The following ZNF385B variants were observed in gnomAD, a reference collection of about 807,000 sequenced individuals.
ZNF385B encodes the protein zinc finger protein 533.
Under a neutral mutation model 39.2 loss-of-function variants are expected in ZNF385B, and 23 were observed. That is an observed-to-expected ratio of 0.59 (90% confidence interval 0.42 to 0.83). The LOEUF (loss-of-function observed/expected upper bound fraction) is 0.83. Among genes scored for constraint, ZNF385B ranks in the 40% least tolerant of loss-of-function variants. The probability of loss-of-function intolerance (pLI) is 0.00; values close to 1 mark genes in which losing one functional copy is unlikely to be tolerated. For missense variants in ZNF385B, 552 were observed against 598.9 expected, an observed-to-expected ratio of 0.92 and a Z score of 0.82; for synonymous variants, 205 against 222.6, an observed-to-expected ratio of 0.92 and a Z score of 0.70.
intron 4 of ZNF385B, among the ~76,000 whole-genome samples, chr2:179,527,392 A>T (rs1276888424): frequency 1.3e-5 from 2 of 152,180 alleles, no homozygotes; most frequent in Non-Finnish European, 2.9e-5. Flanking sequence ...CTCCTTTGAA[A>T]AGCTCTGGGA....
chr2:179,704,286 G>A lies in ZNF385B; in HGVS notation c.298+65217C>T, dbSNP rs558176190. On this transcript the variant is annotated intron_variant, in intron 3 of 9. Transcript: ENST00000410066. The stretch of plus-strand genomic sequence containing the variant: ...TTTTAAGAAAGTGCTCATATAATAC[G>A]GTTCCACTACATTTTTAAAAAATGT... Among the ~76,000 whole-genome samples, 49 of 152,066 alleles carry A rather than the reference G, an allele frequency of 3.2e-4. No individual in the cohort carries two copies. In the South Asian group the frequency reaches 6.9e-3, roughly 21 times the overall value.
intron 5 of ZNF385B, among the ~76,000 whole-genome samples, chr2:179,486,749 T>C (rs113505304): frequency 0.13 from 20,372 of 152,058 alleles, 1,498 homozygotes; most frequent in Non-Finnish European, 0.17. Flanking sequence ...ACCTTGTTTC[T>C]ACCAAAATTC....
In ZNF385B at chr2:179,518,498, T is replaced by G. The variant is rs369306947; in HGVS notation, c.552+30A>C. 9.5e-6 allele frequency: 14 copies of G among 1,469,200 alleles called. No homozygotes were observed. The African/African-American group carries it at 1.9e-4, about 19-fold the overall frequency. The allele number at this position is 1,469,200 out of a possible 1,614,324, so 91.0% of individuals were successfully genotyped here. On this transcript the variant is annotated intron_variant, in intron 5 of 9. Transcript: ENST00000410066. ...AATCAGACTTTTAGCTCTGACAAACTACAGAGAATAATGAAAAGGTGATAC... is the reference window on the plus strand; with the variant it reads ...AATCAGACTTTTAGCTCTGACAAACGACAGAGAATAATGAAAAGGTGATAC...
At chr2:179,584,319 C>T (rs947060175) in intron 3 of ZNF385B, among the ~76,000 whole-genome samples, 3 of 151,874 alleles carry the variant, frequency 2.0e-5, no homozygotes, top group African/African-American at 4.8e-5. Flanking sequence ...CAAAATAATC[C>T]TCCTACCACC....
intron 3 of ZNF385B, among the ~76,000 whole-genome samples, chr2:179,727,339 T>C (rs558535424): frequency 1.8e-3 from 273 of 152,218 alleles, no homozygotes; most frequent in African/African-American, 6.4e-3. Flanking sequence ...CCGATTTAAT[T>C]TCTTGTCCAC....
chr2:179,595,717 C>CT, intron 3 of ZNF385B, among the ~76,000 whole-genome samples: 1 of 151,132 alleles, frequency 6.6e-6, no homozygotes. Context: ...TCTTGACCTC[C>CT]TGGGCTCCAG....
chr2:179,850,765 G>A (rs74959723), intron 1 of ZNF385B, among the ~76,000 whole-genome samples: 3,296 of 152,190 alleles, frequency 0.022, 53 homozygotes, highest in Non-Finnish European at 0.035. Flanking sequence ...ACACTTTCTC[G>A]TGCTTATAAT....
chr2:179,777,614 G>GA (rs1242413365), intron 1 of ZNF385B, among the ~76,000 whole-genome samples: 2 of 151,706 alleles, frequency 1.3e-5, no homozygotes, highest in African/African-American at 4.8e-5. Flanking sequence ...ACTTTTCTAG[G>GA]AAAAAAGGAA....
At chr2:179,556,883 T>C (rs1300722630) in intron 3 of ZNF385B, among the ~76,000 whole-genome samples, 2 of 148,964 alleles carry the variant, frequency 1.3e-5, no homozygotes, top group African/African-American at 5.1e-5. Flanking sequence ...GTCTATAAAA[T>C]CCAACAATTG....
chr2:179,709,069 C>T (rs1210426532), intron 3 of ZNF385B, among the ~76,000 whole-genome samples: 1 of 152,170 alleles, frequency 6.6e-6, no homozygotes, highest in Non-Finnish European at 1.5e-5. Context: ...CCCCTTGCCC[C>T]AGAGAGTGAA....
At chr2:179,686,386 G>C (rs1052530504) in intron 3 of ZNF385B, among the ~76,000 whole-genome samples, 1 of 152,122 alleles carries the variant, frequency 6.6e-6, no homozygotes, top group African/African-American at 2.4e-5. Context: ...CAGTGCCTAC[G>C]ATGTTATAAA....
At chr2:179,754,036 T>C (rs1253908229) in intron 3 of ZNF385B, among the ~76,000 whole-genome samples, 1 of 152,212 alleles carries the variant, frequency 6.6e-6, no homozygotes, top group Non-Finnish European at 1.5e-5. Context: ...TGCTTCCAGT[T>C]TTTGCCCATT....
intron 3 of ZNF385B, among the ~76,000 whole-genome samples, chr2:179,735,237 T>A (rs1181695122): frequency 1.3e-5 from 2 of 149,832 alleles, no homozygotes; most frequent in South Asian, 2.1e-4. Context: ...GAACAGACAC[T>A]TCTCAAAAGA....
At chr2:179,664,058 AT>A (rs141934461) in intron 3 of ZNF385B, among the ~76,000 whole-genome samples, 7,715 of 132,670 alleles carry the variant, frequency 0.058, 336 homozygotes, top group East Asian at 0.17. Flanking sequence ...TAAGTAAAAA[AT>A]ATTTTTTTTT....
At chr2:179,816,163 CTT>C (rs1287133043) in intron 1 of ZNF385B, among the ~76,000 whole-genome samples, 1 of 152,188 alleles carries the variant, frequency 6.6e-6, no homozygotes, top group Non-Finnish European at 1.5e-5. Flanking sequence ...TAAACGGAAA[CTT>C]CATTCATCAA....
At chr2:179,622,049 G>C (rs1204394392) in intron 3 of ZNF385B, among the ~76,000 whole-genome samples, 1 of 152,070 alleles carries the variant, frequency 6.6e-6, no homozygotes. Flanking sequence ...TTAGTTACAA[G>C]TTACAGCTCC....
intron 3 of ZNF385B, among the ~76,000 whole-genome samples, chr2:179,718,773 G>A (rs1193922039): frequency 6.7e-6 from 1 of 150,142 alleles, no homozygotes; most frequent in Non-Finnish European, 1.5e-5. Flanking sequence ...TAGACCTAGA[G>A]AAGAGGCTAG....
chr2:179,555,944 G>A (rs1402050892), intron 3 of ZNF385B, among the ~76,000 whole-genome samples: 1 of 149,200 alleles, frequency 6.7e-6, no homozygotes, highest in African/African-American at 2.5e-5. Flanking sequence ...TTTGAGCACT[G>A]CACTGAAGTT....
In ZNF385B at chr2:179,691,944, T is replaced by C. The variant is rs144028690; in HGVS notation, c.298+77559A>G. On this transcript the variant is annotated intron_variant, in intron 3 of 9. Transcript: ENST00000410066. ...TTTAATGCAAGCATACAATGTGTAA[T>C]GATCAAATCAGGCTAACTTGGGTAT... Among the ~76,000 whole-genome samples the C allele has an allele frequency of 5.9e-5, 9 of 152,320 alleles. No homozygotes were observed. In the East Asian group the frequency reaches 1.4e-3, roughly 23 times the overall value.
Sources: gnomAD v4.1 joint callset for allele counts (sites outside exome capture counted in the v4.1 genomes callset) on GRCh38, gnomAD v4.1.1 for gene constraint, MANE v1.5 for transcripts, NCBI Gene and HGNC (gene_info 2026-07-23, HGNC 2026-07-21) for gene names.